Variants in PCDHA7 observed in about 807,000 individuals in gnomAD.
PCDHA7 encodes the protein protocadherin alpha-7.
A neutral mutation model predicts 57.2 loss-of-function variants in PCDHA7; 37 were observed. The ratio of observed to expected loss-of-function variants is 0.65; its 90% CI spans 0.50 to 0.85. PCDHA7 has a LOEUF of 0.85. Ranked by LOEUF, PCDHA7 falls within the 40% of genes least tolerant of loss-of-function variation. The pLI is 0.00. For missense variants in PCDHA7, 1,188 were observed against 1,241.8 expected, an observed-to-expected ratio of 0.96 and a Z score of 0.65; for synonymous variants, 553 against 558.8, an observed-to-expected ratio of 0.99 and a Z score of 0.15.
At chr5:140,848,742 A>G in intron 1 of PCDHA7, 2 of 1,593,114 alleles carry the variant, frequency 1.3e-6, no homozygotes, top group Admixed American at 3.4e-5. Context: ...GCAGAATGGC[A>G]TTTTGTTTGT....
At chr5:140,996,699 C>T (rs1462785057) in intron 3 of PCDHA7, among the ~76,000 whole-genome samples, 3 of 152,146 alleles carry the variant, frequency 2.0e-5, no homozygotes, top group Non-Finnish European at 2.9e-5. Flanking sequence ...TTCTGAACCT[C>T]TATCTCTTTG....
At position 140,841,479 on chromosome 5, in the gene PCDHA7, G is replaced by A. The variant is rs2150316299; in HGVS notation, c.2355+4741G>A. On this transcript the variant is annotated intron_variant, in intron 1 of 3. Transcript: ENST00000525929. The stretch of plus-strand genomic sequence containing the variant: ...GTGGGCCGGATCGCGCAGGACCTGG[G>A]GCTGGAGCTGGCGGAGCTGGTGCCG... The A allele has an allele frequency of 3.6e-4, 573 of 1,613,084 alleles. 4 individuals are homozygous for A. In the Admixed American group the frequency reaches 9.2e-3, roughly 26 times the overall value.
At chr5:140,986,823 A>G (rs2097214089) in intron 3 of PCDHA7, among the ~76,000 whole-genome samples, 1 of 152,166 alleles carries the variant, frequency 6.6e-6, no homozygotes, top group Admixed American at 6.5e-5. Context: ...TTTGGTTTAG[A>G]CAATGGTTCT....
At chr5:140,927,381 A>G in intron 1 of PCDHA7, 2 of 1,614,102 alleles carry the variant, frequency 1.2e-6, no homozygotes, top group Non-Finnish European at 1.7e-6. Flanking sequence ...GCTACAGCCT[A>G]AGCCCCAGTC....
intron 1 of PCDHA7, among the ~76,000 whole-genome samples, chr5:140,841,009 C>T (rs1241373948): frequency 6.6e-6 from 1 of 151,948 alleles, no homozygotes; most frequent in African/African-American, 2.4e-5. Flanking sequence ...AGGAGCCAGA[C>T]AGTATGAATG....
At chr5:140,942,530 T>C (rs963252648) in intron 1 of PCDHA7, among the ~76,000 whole-genome samples, 5 of 151,374 alleles carry the variant, frequency 3.3e-5, no homozygotes, top group Non-Finnish European at 5.9e-5. Flanking sequence ...AGCAACTAAC[T>C]CAGTATGGTG....
intron 1 of PCDHA7, among the ~76,000 whole-genome samples, chr5:140,931,749 G>A (rs368438680): frequency 2.0e-5 from 3 of 151,878 alleles, no homozygotes; most frequent in East Asian, 3.9e-4. Context: ...ATTCACAAAG[G>A]CATTTGTTAT....
At chr5:141,004,681 G>A (rs1554259668) in intron 3 of PCDHA7, among the ~76,000 whole-genome samples, 1 of 152,176 alleles carries the variant, frequency 6.6e-6, no homozygotes. Flanking sequence ...CTGTGGAGTG[G>A]TGCTGAAACC....
chr5:140,957,555 A>G (rs911734380), intron 1 of PCDHA7, among the ~76,000 whole-genome samples: 4 of 152,120 alleles, frequency 2.6e-5, no homozygotes, highest in Admixed American at 2.6e-4. Flanking sequence ...TTCTCTGTGG[A>G]AAAGGAGGGA....
intron 1 of PCDHA7, chr5:140,875,854 G>T: frequency 1.2e-6 from 2 of 1,614,160 alleles, no homozygotes; most frequent in East Asian, 4.5e-5. Flanking sequence ...GGACATTAAC[G>T]ACAACCCGCC....
chr5:140,857,567 G>T (rs139473255), intron 1 of PCDHA7: 8 of 1,596,870 alleles, frequency 5.0e-6, no homozygotes, highest in African/African-American at 2.7e-5. Flanking sequence ...GTCGAGCTAC[G>T]TGTCGGTGCA....
chr5:140,967,104 A>T (rs374744732), intron 1 of PCDHA7: 3 of 1,613,028 alleles, frequency 1.9e-6, no homozygotes, highest in Non-Finnish European at 2.5e-6. Context: ...CTGTGTGAGC[A>T]GCGGCCTCGC....
chr5:140,875,254 T>C, intron 1 of PCDHA7: 1 of 1,054,680 alleles, frequency 9.5e-7, no homozygotes, highest in Non-Finnish European at 1.3e-6. Flanking sequence ...ATCAGTCACA[T>C]GATGTCGCTC....
At chr5:140,875,463 A>G in intron 1 of PCDHA7, 1 of 1,599,288 alleles carries the variant, frequency 6.3e-7, no homozygotes, top group Non-Finnish European at 8.5e-7. Context: ...AGAGGCCCTC[A>G]TTTTCTGCAA....
rs1479171365 is a variant in PCDHA7, at chr5:140,869,633, A to AT, written c.2355+32900dup. 9 of 1,613,494 alleles carry AT rather than the reference A, an allele frequency of 5.6e-6. No homozygotes were observed. In the African/African-American group the frequency reaches 8.0e-5, roughly 14 times the overall value. On this transcript the variant is annotated intron_variant, in intron 1 of 3. Coordinates refer to ENST00000525929, the MANE Select transcript of PCDHA7 (RefSeq NM_018910.3). ...ACCTACAGGCTAAGTAAAAATGAGT[A>AT]TTTTTCTTTAGATTCACCAACAAAT...
intron 1 of PCDHA7, among the ~76,000 whole-genome samples, chr5:140,940,877 T>G (rs2092697297): frequency 2.0e-5 from 3 of 152,378 alleles, no homozygotes; most frequent in East Asian, 3.9e-4. Flanking sequence ...GAGTGAATAC[T>G]ACTGCTAGTA....
At chr5:140,924,894 C>CAA (rs782133089) in intron 1 of PCDHA7, among the ~76,000 whole-genome samples, 44 of 71,514 alleles carry the variant, frequency 6.2e-4, no homozygotes, top group African/African-American at 1.3e-3. Flanking sequence ...GAACCTGTCT[C>CAA]AAAAAAAAAA....
At chr5:140,975,472 A>G (rs1012106018) in intron 1 of PCDHA7, among the ~76,000 whole-genome samples, 2 of 152,250 alleles carry the variant, frequency 1.3e-5, no homozygotes, top group African/African-American at 4.8e-5. Flanking sequence ...AATTCTGCCT[A>G]TCAGTTTATA....
rs530482397 is a variant in PCDHA7, at chr5:140,923,460, T to C, written c.2356-55489T>C. ...GGAGGATCACCTGAGCCCAGAGAGG[T>C]AGGGGCTGCAGTGAGCCATCTTCAC... On this transcript the variant is annotated intron_variant, in intron 1 of 3. Coordinates refer to ENST00000525929, the MANE Select transcript of PCDHA7 (RefSeq NM_018910.3). Among the ~76,000 whole-genome samples, 704 of 151,994 alleles carry C rather than the reference T, an allele frequency of 4.6e-3. 3 individuals carry two copies. Among genetic ancestry groups the C allele is most frequent in the African/African-American group, 0.016 (681 of 41,446 alleles).
Sources: gnomAD v4.1 joint callset for allele counts (sites outside exome capture counted in the v4.1 genomes callset) on GRCh38, gnomAD v4.1.1 for gene constraint, MANE v1.5 for transcripts, NCBI Gene and HGNC (gene_info 2026-07-23, HGNC 2026-07-21) for gene names.